The following CADPS2 variants were observed in gnomAD, a reference collection of about 807,000 sequenced individuals.
The protein encoded by CADPS2 is calcium-dependent secretion activator 2.
Under a neutral mutation model 172.5 loss-of-function variants are expected in CADPS2, and 93 were observed. The ratio of observed to expected loss-of-function variants is 0.54; its 90% CI spans 0.46 to 0.64. The LOEUF is 0.64. Ranked by LOEUF, CADPS2 falls within the 30% of genes least tolerant of loss-of-function variation. CADPS2 has a pLI of 0.00. For missense variants in CADPS2, 1,420 were observed against 1,565.9 expected (o/e 0.91, Z 1.57); for synonymous variants, 546 against 555.2 (o/e 0.98, Z 0.23).
chr7:122,718,817 C>G (rs1297828109), intron 2 of CADPS2, among the ~76,000 whole-genome samples: 2 of 152,102 alleles, frequency 1.3e-5, no homozygotes, highest in African/African-American at 2.4e-5. Context: ...TATGGGATAA[C>G]AGAGAACAGA....
chr7:122,400,173 C>T (rs995350001), intron 20 of CADPS2, among the ~76,000 whole-genome samples: 2 of 151,898 alleles, frequency 1.3e-5, no homozygotes, highest in Non-Finnish European at 2.9e-5. Context: ...CAGTGGCTCA[C>T]GCCTGTAATC....
intron 12 of CADPS2, among the ~76,000 whole-genome samples, chr7:122,476,247 C>A (rs1304192668): frequency 6.6e-6 from 1 of 151,852 alleles, no homozygotes; most frequent in Non-Finnish European, 1.5e-5. Flanking sequence ...TACCTTATTT[C>A]TTTCACCAGA....
intron 1 of CADPS2, among the ~76,000 whole-genome samples, chr7:122,843,562 G>A (rs765259455): frequency 2.0e-5 from 3 of 152,206 alleles, no homozygotes; most frequent in Non-Finnish European, 2.9e-5. Flanking sequence ...AACAATGCAT[G>A]TGTGAGTTCT....
chr7:122,412,909 T>A (rs1050510633), intron 19 of CADPS2: 4 of 152,208 alleles, frequency 2.6e-5, no homozygotes, highest in African/African-American at 9.7e-5. Context: ...ACGCTATGCA[T>A]CTACATCCCT....
intron 3 of CADPS2, among the ~76,000 whole-genome samples, chr7:122,651,969 C>T (rs563937019): frequency 2.2e-4 from 34 of 152,276 alleles, no homozygotes; most frequent in African/African-American, 7.9e-4. Context: ...AGCCCCATCT[C>T]CTGCTCATAC....
At chr7:122,478,521 A>G (rs867283978) in intron 12 of CADPS2, among the ~76,000 whole-genome samples, 2 of 152,322 alleles carry the variant, frequency 1.3e-5, no homozygotes, top group South Asian at 4.1e-4. Flanking sequence ...ATGAAACCCA[A>G]ATTGAGAAAG....
intron 12 of CADPS2, among the ~76,000 whole-genome samples, chr7:122,475,081 A>C (rs1383161512): frequency 4.6e-5 from 7 of 152,184 alleles, no homozygotes; most frequent in Non-Finnish European, 1.0e-4. Context: ...GCAAATATGC[A>C]GACAAAGCTT....
At chr7:122,623,334 G>A (rs943526044) in intron 4 of CADPS2, among the ~76,000 whole-genome samples, 4 of 152,012 alleles carry the variant, frequency 2.6e-5, no homozygotes, top group Admixed American at 1.3e-4. Context: ...CATATTTTAC[G>A]TTTTTGGACT....
At chr7:122,775,279 T>C (rs150395498) in intron 1 of CADPS2, among the ~76,000 whole-genome samples, 163 of 152,342 alleles carry the variant, frequency 1.1e-3, no homozygotes, top group African/African-American at 3.4e-3. Flanking sequence ...CATAGCGTCA[T>C]AGACGCTGAC....
At chr7:122,668,404 A>G (rs1433370219) in intron 2 of CADPS2, among the ~76,000 whole-genome samples, 5 of 10,838 alleles carry the variant, frequency 4.6e-4, no homozygotes, top group Non-Finnish European at 7.5e-4. Flanking sequence ...AGTATGGTTA[A>G]AAAAAAAAAA....
chr7:122,645,464 T>A (rs2078339526), intron 3 of CADPS2, among the ~76,000 whole-genome samples: 1 of 97,814 alleles, frequency 1.0e-5, no homozygotes, highest in Admixed American at 1.1e-4. Context: ...TGTATATATG[T>A]GTATATATGT....
At chr7:122,702,689 A>G in intron 2 of CADPS2, 4 of 1,612,950 alleles carry the variant, frequency 2.5e-6, no homozygotes, top group Non-Finnish European at 3.4e-6. Context: ...AAAGATACTA[A>G]GCCTCAAAAG....
chr7:122,340,251 T>G (rs958140553), intron 28 of CADPS2, among the ~76,000 whole-genome samples: 1 of 152,154 alleles, frequency 6.6e-6, no homozygotes, highest in South Asian at 2.1e-4. Flanking sequence ...CTTGTGGAGA[T>G]GAAACTCCTC....
intron 6 of CADPS2, among the ~76,000 whole-genome samples, chr7:122,581,845 T>C (rs2068869266): frequency 6.6e-6 from 1 of 152,142 alleles, no homozygotes; most frequent in African/African-American, 2.4e-5. Context: ...GAATGTTTTG[T>C]AGTTAATTTC....
intron 9 of CADPS2, among the ~76,000 whole-genome samples, chr7:122,511,283 T>A (rs2059983145): frequency 1.3e-5 from 2 of 152,126 alleles, no homozygotes; most frequent in Non-Finnish European, 2.9e-5. Context: ...ATTCCTTCAT[T>A]TCCAAACTCT....
At chr7:122,716,640 G>T (rs1264560582) in intron 2 of CADPS2, among the ~76,000 whole-genome samples, 1 of 152,068 alleles carries the variant, frequency 6.6e-6, no homozygotes, top group Non-Finnish European at 1.5e-5. Context: ...TAACAAACCT[G>T]CACGTTGTGC....
rs192128206 is a variant in CADPS2 at position 122,489,591 on chromosome 7, A to G, written c.1852+490T>C. Among the ~76,000 whole-genome samples the G allele has an allele frequency of 1.4e-3, 215 of 152,240 alleles. 1 individual carries two copies. The highest frequency in any genetic ancestry group is 4.9e-3 in the African/African-American group (203 of 41,580). On this transcript the variant is annotated intron_variant, in intron 11 of 29. Transcript: ENST00000449022. ...TGACATGTCTTTAAGGTACAAGGGG[A>G]AAAAAGTTGGCTTTATGACTTATTA... is the stretch of plus-strand genomic sequence containing the variant.
chr7:122,546,875 T>C (rs1326327467), intron 8 of CADPS2, among the ~76,000 whole-genome samples: 2 of 152,040 alleles, frequency 1.3e-5, no homozygotes, highest in East Asian at 3.9e-4. Flanking sequence ...TGTCAGCTGT[T>C]GGGGAAAATA....
chr7:122,369,042 C>G (rs985771064), intron 25 of CADPS2, among the ~76,000 whole-genome samples: 7 of 151,758 alleles, frequency 4.6e-5, no homozygotes, highest in African/African-American at 9.7e-5. Context: ...TTTCTTGTAC[C>G]CTTTCCTTGG....
Sources: gnomAD v4.1 joint callset for allele counts (sites outside exome capture counted in the v4.1 genomes callset) on GRCh38, gnomAD v4.1.1 for gene constraint, MANE v1.5 for transcripts, NCBI Gene and HGNC (gene_info 2026-07-23, HGNC 2026-07-21) for gene names.